The following ERC2 variants were observed in gnomAD, a reference collection of about 807,000 sequenced individuals.
ERC2 encodes the protein ELKS/RAB6-interacting/CAST family member 2, also known as ERC protein 2.
A neutral mutation model predicts 114.8 loss-of-function variants in ERC2; 42 were observed. That is an observed-to-expected ratio of 0.37 (90% confidence interval 0.29 to 0.47). The LOEUF (loss-of-function observed/expected upper bound fraction) is 0.47. Among genes scored for constraint, ERC2 ranks in the 20% least tolerant of loss-of-function variants. The pLI is 0.99. For missense variants in ERC2, 939 were observed against 1,150.7 expected (o/e 0.82, Z 2.66); for synonymous variants, 454 against 425.5 (o/e 1.07, Z -0.82).
At chr3:55,923,380 G>A (rs144591391) in intron 13 of ERC2, among the ~76,000 whole-genome samples, 2,295 of 152,074 alleles carry the variant, frequency 0.015, 33 homozygotes, top group Middle Eastern at 0.034. Flanking sequence ...AGGGACCAGG[G>A]GTATGAGGTT....
At chr3:56,091,694 G>A (rs1166647765) in intron 6 of ERC2, among the ~76,000 whole-genome samples, 1 of 152,174 alleles carries the variant, frequency 6.6e-6, no homozygotes, top group African/African-American at 2.4e-5. Flanking sequence ...GTTGAAAACT[G>A]AGAGAAATCC....
At chr3:56,024,524 T>C (rs1332780654) in intron 7 of ERC2, among the ~76,000 whole-genome samples, 1 of 152,106 alleles carries the variant, frequency 6.6e-6, no homozygotes, top group Non-Finnish European at 1.5e-5. Flanking sequence ...AGAGAGAGGG[T>C]CCTTCAAAAT....
chr3:56,088,249 C>T (rs558716268), intron 6 of ERC2, among the ~76,000 whole-genome samples: 4 of 152,234 alleles, frequency 2.6e-5, no homozygotes, highest in South Asian at 2.1e-4. Context: ...ATCCTTAAAA[C>T]GGGTTGGACT....
At chr3:55,591,602 C>T (rs199859364) in intron 17 of ERC2, among the ~76,000 whole-genome samples, 16 of 104,568 alleles carry the variant, frequency 1.5e-4, no homozygotes, top group South Asian at 3.5e-4. Flanking sequence ...TGTGTGTGTG[C>T]GCGCGCGTGT....
At chr3:55,706,408 G>GT (rs1559526648) in intron 15 of ERC2, among the ~76,000 whole-genome samples, 3 of 151,534 alleles carry the variant, frequency 2.0e-5, no homozygotes, top group African/African-American at 2.4e-5. Flanking sequence ...GTTGTTGTTT[G>GT]TTTTTTTGAG....
At chr3:56,449,634 A>G (rs9831365) in intron 1 of ERC2, among the ~76,000 whole-genome samples, 52,069 of 152,148 alleles carry the variant, frequency 0.34, 9,260 homozygotes, top group Admixed American at 0.48. Context: ...CTGGAGTCAT[A>G]TTTCTGTCTT....
chr3:55,583,441 T>TCCTC (rs1366995566), intron 17 of ERC2, among the ~76,000 whole-genome samples: 12 of 81,522 alleles, frequency 1.5e-4, no homozygotes, highest in East Asian at 8.7e-4. Flanking sequence ...CTTCCTTCCT[T>TCCTC]CCTCCCTCCC....
intron 14 of ERC2, among the ~76,000 whole-genome samples, chr3:55,866,931 T>C (rs900522240): frequency 6.6e-5 from 10 of 152,178 alleles, no homozygotes; most frequent in African/African-American, 2.2e-4. Context: ...TCTTTTATGA[T>C]ATAAAAGATG....
chr3:55,878,025 A>G (rs777456581), intron 14 of ERC2, among the ~76,000 whole-genome samples: 2 of 152,254 alleles, frequency 1.3e-5, no homozygotes, highest in African/African-American at 2.4e-5. Flanking sequence ...GGAGGTTGGA[A>G]GGCCTGAATA....
chr3:55,820,142 G>A (rs2060066987), intron 14 of ERC2, among the ~76,000 whole-genome samples: 1 of 152,100 alleles, frequency 6.6e-6, no homozygotes, highest in Admixed American at 6.5e-5. Flanking sequence ...GTCCACGTGG[G>A]GTCTAGAAGT....
intron 6 of ERC2, among the ~76,000 whole-genome samples, chr3:56,120,953 T>A (rs1219037502): frequency 2.0e-5 from 3 of 152,174 alleles, no homozygotes; most frequent in African/African-American, 7.2e-5. Flanking sequence ...ATTGCTTCAG[T>A]TCCTGGAGGT....
chr3:56,447,527 TAA>T (rs2062634812), intron 1 of ERC2, among the ~76,000 whole-genome samples: 1 of 152,150 alleles, frequency 6.6e-6, no homozygotes, highest in Non-Finnish European at 1.5e-5. Context: ...ATTTTGGATT[TAA>T]TTTGGACAAA....
intron 6 of ERC2, among the ~76,000 whole-genome samples, chr3:56,115,104 C>T (rs756834253): frequency 2.0e-5 from 3 of 152,142 alleles, no homozygotes; most frequent in Non-Finnish European, 4.4e-5. Context: ...AGTAAATTGG[C>T]TCATCTGGTC....
At chr3:55,627,075 A>T (rs930935632) in intron 17 of ERC2, among the ~76,000 whole-genome samples, 1 of 152,254 alleles carries the variant, frequency 6.6e-6, no homozygotes, top group African/African-American at 2.4e-5. Context: ...GCTCTGAGTA[A>T]ATTATTTTCA....
At chr3:55,774,120 T>G (rs1303869582) in intron 14 of ERC2, among the ~76,000 whole-genome samples, 2 of 152,160 alleles carry the variant, frequency 1.3e-5, no homozygotes, top group African/African-American at 4.8e-5. Context: ...CAACACACAC[T>G]TTTAATAGGA....
intron 14 of ERC2, among the ~76,000 whole-genome samples, chr3:55,789,254 G>A (rs577792204): frequency 1.3e-5 from 2 of 152,338 alleles, no homozygotes; most frequent in Admixed American, 6.5e-5. Context: ...CCCTAAAAGA[G>A]AGACTTTCTT....
chr3:56,144,084 C>T (rs1221105351), intron 5 of ERC2, among the ~76,000 whole-genome samples: 6 of 152,130 alleles, frequency 3.9e-5, no homozygotes, highest in African/African-American at 1.2e-4. Flanking sequence ...GAGAAGGATC[C>T]TAAGTATGTT....
intron 7 of ERC2, among the ~76,000 whole-genome samples, chr3:56,071,146 C>A (rs892996555): frequency 6.6e-6 from 1 of 152,144 alleles, no homozygotes; most frequent in South Asian, 2.1e-4. Flanking sequence ...ATCCCCAGTA[C>A]CTTTGAGGCA....
At chr3:55,868,014 T>G (rs1029136723) in intron 14 of ERC2, among the ~76,000 whole-genome samples, 1 of 152,208 alleles carries the variant, frequency 6.6e-6, no homozygotes, top group Non-Finnish European at 1.5e-5. Flanking sequence ...TCATCTAGCA[T>G]AGATAATTTT....
Sources: gnomAD v4.1 joint callset for allele counts (sites outside exome capture counted in the v4.1 genomes callset) on GRCh38, gnomAD v4.1.1 for gene constraint, MANE v1.5 for transcripts, NCBI Gene and HGNC (gene_info 2026-07-23, HGNC 2026-07-21) for gene names.